The following DLG5 variants were observed in gnomAD, a reference collection of about 807,000 sequenced individuals.
The protein encoded by DLG5 is disks large homolog 5.
A neutral mutation model predicts 189.8 loss-of-function variants in DLG5; 48 were observed. The ratio of observed to expected loss-of-function variants is 0.25; its 90% CI spans 0.20 to 0.32. DLG5 has a LOEUF of 0.32. DLG5 is among the 10% of genes least tolerant of loss of function. DLG5 has a pLI of 1.00. For synonymous variants in DLG5, 1,016 were observed against 1,054.1 expected (o/e 0.96, Z 0.70); for missense variants, 2,160 against 2,544.7 (o/e 0.85, Z 3.25).
rs1846686891 is a variant in DLG5 at position 77,926,219 on chromosome 10, G to A, written c.302C>T (p.Ala101Val). The A allele has an allele frequency of 2.0e-6, 3 of 1,503,424 alleles. No individual in the cohort carries two copies. The highest frequency in any genetic ancestry group is 1.3e-5 in the South Asian group (1 of 75,458). 93.1% of individuals were successfully genotyped at this position (1,503,424 alleles called of 1,614,324 possible). A position where few individuals can be genotyped will look rare whatever the true frequency, so the allele number is the denominator to read the frequency against. ...GGGGCCAAGGGTCTGCCACTCACCC[G>A]CGCCTTCGGCGGGCTGCGGCGGCCC... ...VVGPPQPAEGAGSTYSVLSTM... is the reference protein window; with the variant it reads ...VVGPPQPAEGVGSTYSVLSTM... The change falls in exon 1 of 32, where the codon GCG (alanine) becomes GTG (valine). Residue 101 changes from alanine (A) to valine (V), a missense_variant and splice_region_variant. Ala to Val is a moderately conservative substitution (Grantham distance 64, BLOSUM62 0). Around this residue, in one of 5 missense-constraint regions of DLG5, gnomAD observed 664 missense variants for 838.5 expected, o/e 0.79. Coordinates refer to ENST00000372391, the MANE Select transcript of DLG5 (RefSeq NM_004747.4). The surrounding 1 kb of genome is among the most constrained non-coding windows in gnomAD (Gnocchi z 5.2).
intron 8 of DLG5, among the ~76,000 whole-genome samples, chr10:77,834,526 T>C (rs1211494827): frequency 2.6e-5 from 4 of 152,176 alleles, no homozygotes; most frequent in Non-Finnish European, 4.4e-5. Flanking sequence ...CCCCTTCGGA[T>C]ACCAGCCAGT....
At position 77,834,003 on chromosome 10, in the gene DLG5, A is replaced by ACGGTCC; in HGVS notation, c.1653_1658dup (p.Asp552_Arg553dup). On this transcript the variant is annotated inframe_insertion, in exon 9 of 32. Coordinates refer to ENST00000372391, the MANE Select transcript of DLG5 (RefSeq NM_004747.4). ...GGGCCTCAGCCAGCTCGCTCACCGC[A>ACGGTCC]CGGTCCCGCTCCCGCCTCAGGTTGT... 2 of 1,609,268 alleles carry ACGGTCC rather than the reference A, an allele frequency of 1.2e-6. No homozygotes were observed. Among genetic ancestry groups the ACGGTCC allele is most frequent in the Non-Finnish European group, 1.7e-6 (2 of 1,179,940 alleles).
At position 77,821,757 on chromosome 10, in the gene DLG5, G is replaced by A. The variant is rs375600626; in HGVS notation, c.2727C>T (p.Asp909=). The change falls in exon 15 of 32, where the codon GAC becomes GAT. Residue 909 remains aspartate (D), a synonymous_variant. Transcript: ENST00000372391. ...GCAGCAGTGGCCGCCGGCCACGCAC[G>A]TCCACCAGCCCAAAGCCACGGTCCC... The part of the protein sequence containing the change: ...ASGDRGFGLV[D]VRGRRPLLPF... The A allele has an allele frequency of 2.4e-5, 39 of 1,609,118 alleles. 1 individual carries two copies. The highest frequency in any genetic ancestry group is 1.6e-4 in the African/African-American group (12 of 74,886).
In DLG5 at chr10:77,926,576, G is replaced by T. The variant is rs527625040; in HGVS notation, c.-56C>A. 984 of 1,189,478 alleles carry T rather than the reference G, an allele frequency of 8.3e-4. 7 individuals carry two copies. The African/African-American group carries it at 0.014, about 17-fold the overall frequency. The allele number at this position is 1,189,478 out of a possible 1,614,324, so 73.7% of individuals were successfully genotyped here. On this transcript the variant is annotated 5_prime_UTR_variant, in exon 1 of 32. Coordinates refer to ENST00000372391, the MANE Select transcript of DLG5 (RefSeq NM_004747.4). This position sits in a 1 kb window ranked among gnomAD's most constrained non-coding sequence, Gnocchi z 5.2. Reference sequence around the variant, plus strand: ...GACGCCTCCCGGGCCCCCCGAGGCCGGCGGGCGGGCAGGCGAGCACCTCGG... The same window carrying T: ...GACGCCTCCCGGGCCCCCCGAGGCCTGCGGGCGGGCAGGCGAGCACCTCGG...
At chr10:77,898,640 C>T (rs1386925669) in intron 1 of DLG5, among the ~76,000 whole-genome samples, 1 of 152,230 alleles carries the variant, frequency 6.6e-6, no homozygotes, top group African/African-American at 2.4e-5. Context: ...TGACGGCACA[C>T]GAGTCACGCG....
rs573859787 is a variant in DLG5 at position 77,893,705 on chromosome 10, C to T, written c.305-24508G>A. On this transcript the variant is annotated intron_variant, in intron 1 of 31. Transcript: ENST00000372391. ...TGACATAAGTCCAAAGTAGTTCAAA[C>T]GGACCAGCAAAAAGTAACCAAAACA... is the stretch of plus-strand genomic sequence containing the variant. Among the ~76,000 whole-genome samples, 423 of 152,346 alleles carry T rather than the reference C, an allele frequency of 2.8e-3. 2 individuals are homozygous for T. Among genetic ancestry groups the T allele is most frequent in the African/African-American group, 9.6e-3 (401 of 41,576 alleles).
chr10:77,874,628 G>A (rs1204736800), intron 1 of DLG5, among the ~76,000 whole-genome samples: 1 of 152,078 alleles, frequency 6.6e-6, no homozygotes, highest in Non-Finnish European at 1.5e-5. Context: ...TCTAGACTTG[G>A]GTCCTATCCC....
Position 77,821,610 on chromosome 10 carries a change from A to G in DLG5, c.2874T>C (p.Pro958=), listed in dbSNP as rs151157477. The part of the protein sequence containing the change: ...PKAMLSSTAV[P]EKLSVYKKPK... The stretch of plus-strand genomic sequence containing the variant: ...GCTTTTTATAAACAGAGAGCTTCTC[A>G]GGCACTGCCGTGGAGCTGAGCATGG... The change falls in exon 15 of 32, where the codon CCT becomes CCC. Residue 958 remains proline (P), a synonymous_variant. Coordinates refer to ENST00000372391, the MANE Select transcript of DLG5 (RefSeq NM_004747.4). 19 of 1,613,030 alleles carry G rather than the reference A, an allele frequency of 1.2e-5. No homozygotes were observed. The highest frequency in any genetic ancestry group is 1.5e-5 in the Non-Finnish European group (18 of 1,180,038).
chr10:77,843,328 G>C lies in DLG5; in HGVS notation c.1124+119C>G. ...TCAGTGTCAAAAAAAAATGTTTCCT[G>C]GTCAGAAGCATTTTTTGATTGAAAA... On this transcript the variant is annotated intron_variant, in intron 6 of 31. Transcript: ENST00000372391. The C allele has an allele frequency of 3.1e-6, 4 of 1,303,918 alleles. No individual in the cohort carries two copies. In the East Asian group the frequency reaches 6.9e-5, roughly 23 times the overall value. 80.8% of individuals were successfully genotyped at this position (1,303,918 alleles called of 1,614,324 possible).
chr10:77,842,149 T>C lies in DLG5; in HGVS notation c.1169A>G (p.Asn390Ser), dbSNP rs1184298906. The C allele has an allele frequency of 6.2e-7, 1 of 1,608,886 alleles. No individual in the cohort carries two copies. The highest frequency in any genetic ancestry group is 1.3e-5 in the African/African-American group (1 of 74,948). The change falls in exon 7 of 32, where the codon AAC becomes AGC. Residue 390 changes from asparagine (N) to serine (S), a missense_variant. Asn to Ser is a conservative substitution (Grantham distance 46). Around this residue, in one of 5 missense-constraint regions of DLG5, gnomAD observed 664 missense variants for 838.5 expected, o/e 0.79. Transcript: ENST00000372391. ...CTCCATCTCCCACTGCAGGTCCTTG[T>C]TCTGCGCCGTGGCCTTGTTCAGCTC... ...HHELNKATAQ[N>S]KDLQWEMELL...
At chr10:77,809,130 G>C (rs915406164) in intron 24 of DLG5, among the ~76,000 whole-genome samples, 2 of 148,764 alleles carry the variant, frequency 1.3e-5, no homozygotes, top group African/African-American at 5.0e-5. Flanking sequence ...CCTGAGGCTG[G>C]ACACGGTAGC....
chr10:77,905,804 T>A (rs142726354), intron 1 of DLG5, among the ~76,000 whole-genome samples: 387 of 152,260 alleles, frequency 2.5e-3, no homozygotes, highest in African/African-American at 8.8e-3. Context: ...TTTATTCCCA[T>A]TTCCCTCCCC....
intron 3 of DLG5, 24 bp downstream of exon 3, chr10:77,856,706 C>T (rs751451911): frequency 6.2e-7 from 1 of 1,607,704 alleles, no homozygotes. Context: ...GGGGCCTGGG[C>T]AGGGGAGACG....
chr10:77,837,548 GA>G (rs1342625724), intron 7 of DLG5, among the ~76,000 whole-genome samples: 1 of 152,170 alleles, frequency 6.6e-6, no homozygotes, highest in Non-Finnish European at 1.5e-5. Context: ...TCCTTATAAG[GA>G]ATACAAGAAG....
At chr10:77,863,849 A>G (rs1383030309) in intron 2 of DLG5, among the ~76,000 whole-genome samples, 1 of 152,210 alleles carries the variant, frequency 6.6e-6, no homozygotes, top group African/African-American at 2.4e-5. Context: ...AAGAGCAGCC[A>G]GCCCTGCGCT....
At chr10:77,806,718 A>AGCCCC in intron 26 of DLG5, 40 bp downstream of exon 26, 18 of 1,333,642 alleles carry the variant, frequency 1.3e-5, no homozygotes, top group Non-Finnish European at 1.7e-5. Context: ...GCCCTCGGCG[A>AGCCCC]CCCCTGCCCC....
chr10:77,830,783 G>A lies in DLG5; in HGVS notation c.1839C>T (p.Ser613=), dbSNP rs779029973. 1.8e-4 allele frequency: 285 copies of A among 1,614,084 alleles called. No individual in the cohort carries two copies. Among genetic ancestry groups the A allele is most frequent in the Non-Finnish European group, 2.2e-4 (261 of 1,180,054 alleles). The part of the protein sequence containing the change: ...SSHDSAIDTD[S]MEWETEVVEF... ...CTACAACTTCCGTTTCCCACTCCAT[G>A]GAATCCGTGTCAATGGCCGAGTCGT... Residue 613 remains serine (S), a synonymous_variant, in exon 10 of 32, where the codon TCC becomes TCT. Coordinates refer to ENST00000372391, the MANE Select transcript of DLG5 (RefSeq NM_004747.4).
intron 9 of DLG5, among the ~76,000 whole-genome samples, chr10:77,832,105 G>A (rs1291044957): frequency 6.6e-6 from 1 of 152,140 alleles, no homozygotes; most frequent in Non-Finnish European, 1.5e-5. Context: ...CTACTCAGGA[G>A]GCTGAGGTAC....
At position 77,791,647 on chromosome 10, in the gene DLG5, A is replaced by AGCTGAACACCACCTGGACCC. The variant is rs1840648107; in HGVS notation, c.*773_*792dup. 6.6e-6 allele frequency: 1 copy of AGCTGAACACCACCTGGACCC among 152,514 alleles called. No individual in the cohort carries two copies. Among genetic ancestry groups the AGCTGAACACCACCTGGACCC allele is most frequent in the Admixed American group, 6.5e-5 (1 of 15,286 alleles). The allele number at this position is 152,514 out of a possible 1,614,324, so 9.4% of individuals were successfully genotyped here. ...AGGACCCAATGGCAGGCATCAGCAC[A>AGCTGAACACCACCTGGACCC]GCTGAACACCACCTGGACCCCACTG... On this transcript the variant is annotated 3_prime_UTR_variant, in exon 32 of 32. Coordinates refer to ENST00000372391, the MANE Select transcript of DLG5 (RefSeq NM_004747.4).
Sources: gnomAD v4.1 joint callset for allele counts (sites outside exome capture counted in the v4.1 genomes callset) on GRCh38, gnomAD v4.1.1 for gene constraint, gnomAD v4.1.1 regional missense constraint, Gnocchi (gnomAD v3.1) non-coding constraint, MANE v1.5 for transcripts, NCBI Gene and HGNC (gene_info 2026-07-23, HGNC 2026-07-21) for gene names.